Variants in LINGO1 observed in about 807,000 individuals in gnomAD.
LINGO1 encodes leucine rich repeat and Ig domain containing 1.
In LINGO1, 11 loss-of-function variants were observed where a neutral mutation model predicts 37.3. The ratio of observed to expected loss-of-function variants is 0.29; its 90% CI spans 0.19 to 0.49. LINGO1 has a LOEUF of 0.49. Among genes scored for constraint, LINGO1 ranks in the 20% least tolerant of loss-of-function variants. LINGO1 has a pLI of 0.99. For synonymous variants in LINGO1, 387 were observed against 403.0 expected (o/e 0.96, Z 0.48); for missense variants, 585 against 878.2 (o/e 0.67, Z 4.22).
chr15:77,743,064 G>A (rs2076280396), intron 1 of LINGO1, among the ~76,000 whole-genome samples: 1 of 152,224 alleles, frequency 6.6e-6, no homozygotes, highest in Admixed American at 6.5e-5. Context: ...ATCTGGTGAG[G>A]AAGGTGGGAG....
intron 1 of LINGO1, among the ~76,000 whole-genome samples, chr15:77,778,219 C>A (rs1206739011): frequency 6.6e-6 from 1 of 152,184 alleles, no homozygotes; most frequent in Non-Finnish European, 1.5e-5. Context: ...ATGGCCTTCT[C>A]CTCCCTTGCA....
chr15:77,726,448 T>C (rs1851825529), intron 2 of LINGO1, among the ~76,000 whole-genome samples: 1 of 152,218 alleles, frequency 6.6e-6, no homozygotes. Flanking sequence ...GCACAAGTCC[T>C]GTCCTCATTA....
intron 2 of LINGO1, among the ~76,000 whole-genome samples, chr15:77,704,958 C>T (rs962024150): frequency 3.5e-4 from 54 of 152,132 alleles, no homozygotes; most frequent in African/African-American, 1.3e-3. Flanking sequence ...GCACCAGAGA[C>T]CAGTGTCATG....
At chr15:77,663,730 C>T (rs1298096561) in intron 3 of LINGO1, among the ~76,000 whole-genome samples, 1 of 152,190 alleles carries the variant, frequency 6.6e-6, no homozygotes, top group East Asian at 1.9e-4. Flanking sequence ...TACGGGCCTC[C>T]CCTACCACTC....
intron 3 of LINGO1, among the ~76,000 whole-genome samples, chr15:77,661,652 T>C (rs1287992281): frequency 1.3e-5 from 2 of 152,214 alleles, no homozygotes. Context: ...CACTGCTGGG[T>C]AAACAGCCTG....
intron 1 of LINGO1, among the ~76,000 whole-genome samples, chr15:77,738,815 A>AAG (rs2076230155): frequency 1.8e-5 from 2 of 109,722 alleles, no homozygotes; most frequent in African/African-American, 3.8e-5. Flanking sequence ...AAGGAAGGAA[A>AAG]GAAGGAAGGA....
chr15:77,775,903 G>A (rs956097494), intron 1 of LINGO1, among the ~76,000 whole-genome samples: 1 of 152,042 alleles, frequency 6.6e-6, no homozygotes, highest in East Asian at 1.9e-4. Context: ...CCAGGCCTTC[G>A]TTCCTCCGTC....
intron 1 of LINGO1, among the ~76,000 whole-genome samples, chr15:77,806,446 G>A (rs1408889746): frequency 6.6e-6 from 1 of 152,178 alleles, no homozygotes; most frequent in African/African-American, 2.4e-5. Flanking sequence ...AGCAGCCTGG[G>A]TTCAAATCCC....
intron 1 of LINGO1, among the ~76,000 whole-genome samples, chr15:77,819,703 G>C (rs1030159917): frequency 6.6e-6 from 1 of 151,016 alleles, no homozygotes; most frequent in Non-Finnish European, 1.5e-5. Context: ...GCCCCTCCGG[G>C]ACCCGCCGGC....
chr15:77,619,112 A>G (rs970033432), intron 1 of LINGO1, among the ~76,000 whole-genome samples: 5 of 150,944 alleles, frequency 3.3e-5, no homozygotes, highest in East Asian at 2.0e-4. Flanking sequence ...AATATGCTCC[A>G]AAGCCTCAGC....
chr15:77,664,969 C>T (rs114663074), intron 3 of LINGO1, among the ~76,000 whole-genome samples: 6,506 of 152,172 alleles, frequency 0.043, 500 homozygotes, highest in African/African-American at 0.15. Flanking sequence ...CAGAGATCTG[C>T]ATGTGCAAAC....
At chr15:77,791,531 G>A (rs990095535), upstream of LINGO1, among the ~76,000 whole-genome samples, 74 of 152,102 alleles carry the variant, frequency 4.9e-4, no homozygotes, top group Non-Finnish European at 6.3e-4. Flanking sequence ...GGAAGAAAGT[G>A]TGGGCTTGAG....
chr15:77,688,081 C>T (rs529447138), intron 2 of LINGO1, among the ~76,000 whole-genome samples: 11 of 152,316 alleles, frequency 7.2e-5, no homozygotes, highest in South Asian at 2.1e-4. Context: ...TCCCTGGCCC[C>T]GGGTGACCCA....
chr15:77,690,490 G>A (rs1390495342), intron 2 of LINGO1, among the ~76,000 whole-genome samples: 1 of 152,194 alleles, frequency 6.6e-6, no homozygotes, highest in Non-Finnish European at 1.5e-5. Context: ...TGACTCACTG[G>A]ATCAAGCCCT....
chr15:77,708,609 C>A (rs941619240), intron 2 of LINGO1, among the ~76,000 whole-genome samples: 1 of 152,206 alleles, frequency 6.6e-6, no homozygotes, highest in South Asian at 2.1e-4. Context: ...TGTTCTTATA[C>A]AAGAAGTCAA....
chr15:77,674,623 CCT>C (rs1393276199), intron 3 of LINGO1, among the ~76,000 whole-genome samples: 2 of 152,100 alleles, frequency 1.3e-5, no homozygotes, highest in Admixed American at 6.5e-5. Context: ...CCTGCTGTTC[CCT>C]CTGTTTGGAA....
At chr15:77,641,829 A>G (rs752571858) in intron 3 of LINGO1, 1 of 455,970 alleles carries the variant, frequency 2.2e-6, no homozygotes, top group Non-Finnish European at 4.4e-6. Flanking sequence ...CCTGCGACAG[A>G]GGATGTCAGA....
In LINGO1 at chr15:77,818,755, G is replaced by A. The variant is rs147212157; in HGVS notation, c.-458+1503C>T. Among the ~76,000 whole-genome samples the A allele has an allele frequency of 9.5e-3, 1,443 of 152,212 alleles. 9 individuals are homozygous for A. Among genetic ancestry groups the A allele is most frequent in the South Asian group, 0.02 (99 of 4,830 alleles). ...CGCGGTCCTGCCTGACCCTAGCGGG[G>A]TCATAGTAGTCTGGCGCCCGGAGCG... On this transcript the variant is annotated intron_variant, in intron 1 of 5. Coordinates refer to the LINGO1 transcript ENST00000562933.
chr15:77,770,179 C>T (rs959060377), intron 1 of LINGO1, among the ~76,000 whole-genome samples: 5 of 152,154 alleles, frequency 3.3e-5, no homozygotes, highest in Non-Finnish European at 5.9e-5. Flanking sequence ...AAACCAATGC[C>T]TTCTTTCCAA....
Sources: allele counts gnomAD v4.1 joint callset (sites outside exome capture counted in the v4.1 genomes callset), GRCh38; gene constraint gnomAD v4.1.1; transcripts MANE v1.5; gene names NCBI Gene and HGNC (gene_info 2026-07-23, HGNC 2026-07-21).